Variants in ZNF532 observed in about 807,000 individuals in gnomAD.
ZNF532 encodes zinc finger protein 532.
A neutral mutation model predicts 89.3 loss-of-function variants in ZNF532; 22 were observed. That is an observed-to-expected ratio of 0.25 (90% CI 0.18 to 0.35). The LOEUF (loss-of-function observed/expected upper bound fraction) is 0.35. ZNF532 is among the 10% of genes least tolerant of loss of function. ZNF532 has a pLI of 1.00. For missense variants in ZNF532, 1,132 were observed against 1,643.4 expected, an observed-to-expected ratio of 0.69 and a Z score of 5.38; for synonymous variants, 606 against 649.6, an observed-to-expected ratio of 0.93 and a Z score of 1.02.
Position 58,890,086 on chromosome 18 carries a change from GA to G in ZNF532, c.-18+24518del, listed in dbSNP as rs547079067. ...AGATGGTGAGACTGTGTTTAAAAAAGAAAAAAAAAAATTAGCTGGGCATGGT... is the reference window on the plus strand; with the variant it reads ...AGATGGTGAGACTGTGTTTAAAAAAGAAAAAAAAAATTAGCTGGGCATGGT... On this transcript the variant is annotated intron_variant, in intron 2 of 9. Transcript: ENST00000591808. 2.3e-3 allele frequency among the ~76,000 whole-genome samples: 315 copies of G among 136,572 alleles called. 2 individuals carry two copies. The highest frequency in any genetic ancestry group is 7.7e-3 in the Middle Eastern group (2 of 260). The allele number at this position is 136,572 out of a possible 152,430, so 89.6% of individuals were successfully genotyped here. A position where few individuals can be genotyped will look rare whatever the true frequency, so the allele number is the denominator to read the frequency against.
At chr18:58,968,468 A>C (rs1318588548) in intron 7 of ZNF532, among the ~76,000 whole-genome samples, 1 of 152,000 alleles carries the variant, frequency 6.6e-6, no homozygotes, top group Admixed American at 6.6e-5. Context: ...CTGTCTCATC[A>C]TGGTGCTCCC....
At chr18:58,958,210 G>A (rs768788046) in intron 7 of ZNF532, among the ~76,000 whole-genome samples, 3 of 151,576 alleles carry the variant, frequency 2.0e-5, no homozygotes, top group African/African-American at 2.4e-5. Context: ...GTTATTTGTC[G>A]TAATCTGATA....
At chr18:58,957,493 T>A (rs2064914491) in intron 7 of ZNF532, among the ~76,000 whole-genome samples, 1 of 150,676 alleles carries the variant, frequency 6.6e-6, no homozygotes, top group South Asian at 2.1e-4. Context: ...AGTACAGTCA[T>A]TACCTTAGTG....
At chr18:58,929,633 G>A (rs904067491) in intron 3 of ZNF532, among the ~76,000 whole-genome samples, 2 of 152,206 alleles carry the variant, frequency 1.3e-5, no homozygotes, top group Non-Finnish European at 2.9e-5. Flanking sequence ...AAGCATGTAA[G>A]TAGATGATAT....
At chr18:58,916,663 ATT>A in intron 2 of ZNF532, 2 of 982,372 alleles carry the variant, frequency 2.0e-6, no homozygotes, top group Non-Finnish European at 2.4e-6. Flanking sequence ...CTAAGTGTTG[ATT>A]TCGCCTTCAA....
At chr18:58,876,789 G>C (rs900052881) in intron 2 of ZNF532, among the ~76,000 whole-genome samples, 1 of 152,208 alleles carries the variant, frequency 6.6e-6, no homozygotes, top group African/African-American at 2.4e-5. Context: ...CTAGTGCAAT[G>C]GCTCACGCCT....
intron 2 of ZNF532, among the ~76,000 whole-genome samples, chr18:58,904,084 T>A (rs2059769807): frequency 6.6e-6 from 1 of 152,180 alleles, no homozygotes; most frequent in South Asian, 2.1e-4. Context: ...GCCATGGTGG[T>A]TCATGCCTGT....
At chr18:58,905,556 C>T (rs185373093) in intron 2 of ZNF532, among the ~76,000 whole-genome samples, 6 of 152,182 alleles carry the variant, frequency 3.9e-5, no homozygotes, top group South Asian at 2.1e-4. Flanking sequence ...TGCTCCACCA[C>T]GCCCATCTAA....
intron 6 of ZNF532, 39 bp downstream of exon 6, chr18:58,948,268 G>T: frequency 6.4e-7 from 1 of 1,557,880 alleles, no homozygotes; most frequent in Non-Finnish European, 8.7e-7. Flanking sequence ...ATGAATTGCA[G>T]ATCCATTCAT....
intron 3 of ZNF532, among the ~76,000 whole-genome samples, chr18:58,922,520 CAAG>C (rs2061190045): frequency 6.6e-6 from 1 of 152,176 alleles, no homozygotes; most frequent in African/African-American, 2.4e-5. Context: ...CAACTTAGTT[CAAG>C]AAGGCTATGA....
chr18:58,980,641 C>CTCTTTTTTT (rs2067649211), intron 8 of ZNF532: 1 of 152,034 alleles, frequency 6.6e-6, no homozygotes, highest in Non-Finnish European at 1.5e-5. Flanking sequence ...GGGCCATTAC[C>CTCTTTTTTT]TCTTTTTTTT....
intron 4 of ZNF532, among the ~76,000 whole-genome samples, chr18:58,936,976 T>C (rs2062530122): frequency 6.6e-6 from 1 of 152,194 alleles, no homozygotes; most frequent in Non-Finnish European, 1.5e-5. Flanking sequence ...TTGCTGTCTC[T>C]CCTCTTGCTC....
In ZNF532 at chr18:58,918,854, C is replaced by T. The variant is rs1253040652; in HGVS notation, c.567C>T (p.Leu189=). Residue 189 remains leucine, a synonymous_variant, in exon 3 of 10, where the codon CTC becomes CTT. Transcript: ENST00000591808. ...GGGAAAACTCCAGCAAAACTGGACT[C>T]TCTACGTCAGGCAATGTGGAGAAAA... The part of the protein sequence containing the change: ...LGGENSSKTG[L]STSGNVEKNK... 3.1e-6 allele frequency: 5 copies of T among 1,614,062 alleles called. No homozygotes were observed. The highest frequency in any genetic ancestry group is 4.2e-6 in the Non-Finnish European group (5 of 1,180,056).
chr18:58,954,165 A>G, intron 7 of ZNF532: 1 of 973,940 alleles, frequency 1.0e-6, no homozygotes, highest in Non-Finnish European at 1.2e-6. Flanking sequence ...GCAGAGAAAG[A>G]CAGTGGAAAT....
At chr18:58,867,018 C>T (rs1456665070) in intron 2 of ZNF532, among the ~76,000 whole-genome samples, 2 of 152,262 alleles carry the variant, frequency 1.3e-5, no homozygotes, top group Non-Finnish European at 2.9e-5. Flanking sequence ...GCTTGCAAAG[C>T]AGATCCGAAT....
intron 4 of ZNF532, among the ~76,000 whole-genome samples, chr18:58,938,997 A>G (rs1401631362): frequency 6.6e-6 from 1 of 152,202 alleles, no homozygotes; most frequent in Non-Finnish European, 1.5e-5. Context: ...CTATAATCCC[A>G]GCATTTTGGG....
At chr18:58,961,504 A>G (rs2065344080) in intron 7 of ZNF532, among the ~76,000 whole-genome samples, 1 of 152,218 alleles carries the variant, frequency 6.6e-6, no homozygotes, top group Non-Finnish European at 1.5e-5. Context: ...CACGCTCGTT[A>G]TTCTGGATAT....
chr18:58,882,972 G>T (rs930089738), intron 2 of ZNF532, among the ~76,000 whole-genome samples: 1 of 152,148 alleles, frequency 6.6e-6, no homozygotes, highest in Admixed American at 6.6e-5. Flanking sequence ...CAAATTCCTA[G>T]ACTGTAGAAC....
intron 2 of ZNF532, among the ~76,000 whole-genome samples, chr18:58,877,585 T>G (rs557123270): frequency 1.3e-5 from 2 of 152,370 alleles, no homozygotes; most frequent in South Asian, 4.1e-4. Context: ...TAGATCTTAC[T>G]GGACATCTGG....
Sources: gnomAD v4.1 joint callset for allele counts (sites outside exome capture counted in the v4.1 genomes callset) on GRCh38, gnomAD v4.1.1 for gene constraint, MANE v1.5 for transcripts, NCBI Gene and HGNC (gene_info 2026-07-23, HGNC 2026-07-21) for gene names.